Variants in GRM3 observed in about 807,000 individuals in gnomAD.
The protein encoded by GRM3 is metabotropic glutamate receptor 3.
GRM3 carries 26 observed loss-of-function variants against 70.5 expected under a neutral mutation model. That is an observed-to-expected ratio of 0.37 (90% CI 0.27 to 0.51). The LOEUF (loss-of-function observed/expected upper bound fraction) is 0.51, where lower values mean the gene tolerates loss of function less well. Among genes scored for constraint, GRM3 ranks in the 20% least tolerant of loss-of-function variants. GRM3 has a pLI of 0.93. For synonymous variants in GRM3, 443 were observed against 434.9 expected (o/e 1.02, Z -0.23); for missense variants, 859 against 1,123.8 (o/e 0.76, Z 3.37).
intron 4 of GRM3, among the ~76,000 whole-genome samples, 171 bp from the exon 5 acceptor site, chr7:86,850,199 T>G (rs893734076): frequency 2.0e-5 from 3 of 152,202 alleles, no homozygotes; most frequent in Admixed American, 6.6e-5. Context: ...TTTCCAAGAC[T>G]ACCCCAAACA....
At chr7:86,648,734 A>C (rs1793538202) in intron 1 of GRM3, among the ~76,000 whole-genome samples, 1 of 152,112 alleles carries the variant, frequency 6.6e-6, no homozygotes, top group African/African-American at 2.4e-5. Context: ...GCCTGAAAAA[A>C]AAAACATAAA....
At chr7:86,808,985 A>G (rs545829306) in intron 3 of GRM3, among the ~76,000 whole-genome samples, 36 of 152,206 alleles carry the variant, frequency 2.4e-4, no homozygotes, top group Non-Finnish European at 1.3e-4. Context: ...TGACAGGAAC[A>G]ATATCAAAGA....
chr7:86,830,861 A>G (rs1798337020), intron 3 of GRM3, among the ~76,000 whole-genome samples: 1 of 152,216 alleles, frequency 6.6e-6, no homozygotes, highest in Admixed American at 6.5e-5. Flanking sequence ...CCCCAGTCCA[A>G]TATGGCTGGT....
At chr7:86,699,981 G>T (rs985840152) in intron 1 of GRM3, among the ~76,000 whole-genome samples, 3 of 152,004 alleles carry the variant, frequency 2.0e-5, no homozygotes, top group Admixed American at 6.6e-5. Context: ...TCATTAAGAG[G>T]TAACCCACAC....
At chr7:86,662,892 T>C (rs1793930020) in intron 1 of GRM3, among the ~76,000 whole-genome samples, 1 of 150,896 alleles carries the variant, frequency 6.6e-6, no homozygotes, top group Non-Finnish European at 1.5e-5. Context: ...AACTTCTCCA[T>C]TTAGATTTTT....
chr7:86,666,867 AG>A (rs1479235788), intron 1 of GRM3, among the ~76,000 whole-genome samples: 4 of 152,090 alleles, frequency 2.6e-5, no homozygotes, highest in African/African-American at 9.7e-5. Flanking sequence ...GTTCCTGGCA[AG>A]TTATCCAGTT....
intron 4 of GRM3, among the ~76,000 whole-genome samples, chr7:86,841,928 T>C (rs980502867): frequency 5.3e-5 from 8 of 152,120 alleles, no homozygotes; most frequent in African/African-American, 1.9e-4. Flanking sequence ...TTTTTTAAGG[T>C]CCGTGATAAT....
chr7:86,822,295 T>G (rs181970123), intron 3 of GRM3, among the ~76,000 whole-genome samples: 106 of 152,242 alleles, frequency 7.0e-4, no homozygotes, highest in Non-Finnish European at 8.8e-5. Flanking sequence ...TTAAGGAGTT[T>G]ACAATATAGT....
chr7:86,860,631 T>C (rs1798936830), intron 5 of GRM3, among the ~76,000 whole-genome samples: 1 of 152,200 alleles, frequency 6.6e-6, no homozygotes, highest in Non-Finnish European at 1.5e-5. Flanking sequence ...TAGACATAGG[T>C]TGCTCCTTTG....
Position 86,648,369 on chromosome 7 carries a change from C to T in GRM3, c.-141+3497C>T, listed in dbSNP as rs77477126. On this transcript the variant is annotated intron_variant, in intron 1 of 5. Coordinates refer to ENST00000361669, the MANE Select transcript of GRM3 (RefSeq NM_000840.3). ...TGCAACAGAACCCTGTCAACGCCCA[C>T]ACTACAAGGGAATTTTGTGACATGC... Among the ~76,000 whole-genome samples the T allele has an allele frequency of 6.6e-3, 1,007 of 152,294 alleles. 6 individuals carry two copies. Among genetic ancestry groups the T allele is most frequent in the Non-Finnish European group, 0.012 (818 of 68,016 alleles).
At chr7:86,740,890 T>C (rs1033981435) in intron 1 of GRM3, among the ~76,000 whole-genome samples, 1 of 152,190 alleles carries the variant, frequency 6.6e-6, no homozygotes, top group Non-Finnish European at 1.5e-5. Context: ...AGTCTATTAC[T>C]TAGCACATTG....
chr7:86,780,407 C>T (rs1797017428), intron 2 of GRM3, among the ~76,000 whole-genome samples: 2 of 152,150 alleles, frequency 1.3e-5, no homozygotes, highest in Admixed American at 1.3e-4. Context: ...TGGCCAAGTC[C>T]AGCATTTCTT....
chr7:86,854,751 C>T (rs1798815624), intron 5 of GRM3, among the ~76,000 whole-genome samples: 1 of 152,142 alleles, frequency 6.6e-6, no homozygotes, highest in Admixed American at 6.6e-5. Flanking sequence ...TTTTGAGAAC[C>T]TCTACCTAAA....
intron 3 of GRM3, among the ~76,000 whole-genome samples, chr7:86,787,700 G>A (rs1316699233): frequency 6.6e-6 from 1 of 152,086 alleles, no homozygotes; most frequent in African/African-American, 2.4e-5. Flanking sequence ...ATTAATAGTT[G>A]GGGATTTTCT....
intron 3 of GRM3, among the ~76,000 whole-genome samples, chr7:86,833,966 A>G (rs972875820): frequency 2.6e-5 from 4 of 152,252 alleles, no homozygotes; most frequent in East Asian, 1.9e-4. Flanking sequence ...GTATTAAAAA[A>G]TAACATTCCA....
chr7:86,650,822 T>C (rs1793585120), intron 1 of GRM3, among the ~76,000 whole-genome samples: 1 of 152,204 alleles, frequency 6.6e-6, no homozygotes, highest in African/African-American at 2.4e-5. Context: ...TGCTGATGTT[T>C]CTCTCCTCTT....
At chr7:86,695,851 T>G (rs1034619382) in intron 1 of GRM3, among the ~76,000 whole-genome samples, 1 of 152,164 alleles carries the variant, frequency 6.6e-6, no homozygotes, top group Admixed American at 6.6e-5. Context: ...GGTGCTTTTT[T>G]AAGTTGTAGA....
At chr7:86,782,252 T>C (rs533798484) in intron 2 of GRM3, among the ~76,000 whole-genome samples, 25 of 152,244 alleles carry the variant, frequency 1.6e-4, no homozygotes, top group African/African-American at 5.8e-4. Context: ...TTATTGATAG[T>C]GATTTCATAA....
At chr7:86,783,185 G>A (rs942676118) in intron 2 of GRM3, among the ~76,000 whole-genome samples, 5 of 152,186 alleles carry the variant, frequency 3.3e-5, no homozygotes, top group African/African-American at 1.2e-4. Flanking sequence ...TAAAAGGAAA[G>A]TTCCTGCTAA....
Sources: gnomAD v4.1 joint callset for allele counts (sites outside exome capture counted in the v4.1 genomes callset) on GRCh38, gnomAD v4.1.1 for gene constraint, MANE v1.5 for transcripts, NCBI Gene and HGNC (gene_info 2026-07-23, HGNC 2026-07-21) for gene names.